The following HS3ST4 variants were observed in gnomAD, a reference collection of about 807,000 sequenced individuals.
HS3ST4 encodes heparan sulfate glucosamine 3-O-sulfotransferase 4.
A neutral mutation model predicts 29.2 loss-of-function variants in HS3ST4; 17 were observed. The observed-to-expected ratio is 0.58, with a 90% CI of 0.40 to 0.87. HS3ST4 has a LOEUF of 0.87. Among genes scored for constraint, HS3ST4 ranks in the 40% least tolerant of loss-of-function variants. The pLI is 0.00. For missense variants in HS3ST4, 627 were observed against 634.5 expected, an observed-to-expected ratio of 0.99 and a Z score of 0.13; for synonymous variants, 314 against 285.7, an observed-to-expected ratio of 1.10 and a Z score of -1.00.
chr16:25,839,859 C>A (rs1246432044), intron 1 of HS3ST4, among the ~76,000 whole-genome samples: 1 of 152,172 alleles, frequency 6.6e-6, no homozygotes, highest in African/African-American at 2.4e-5. Flanking sequence ...CTTTATGTGG[C>A]ATTGAACTTG....
chr16:25,723,377 G>C (rs1473284567), intron 1 of HS3ST4, among the ~76,000 whole-genome samples: 1 of 152,158 alleles, frequency 6.6e-6, no homozygotes, highest in Non-Finnish European at 1.5e-5. Context: ...TAGCATGTAT[G>C]ATTCTTTCCT....
At chr16:25,813,192 G>T (rs1398592880) in intron 1 of HS3ST4, among the ~76,000 whole-genome samples, 2 of 152,174 alleles carry the variant, frequency 1.3e-5, no homozygotes, top group African/African-American at 2.4e-5. Context: ...ATGAAAAGAT[G>T]TTCAATATCA....
At chr16:25,877,590 C>A (rs921136010) in intron 1 of HS3ST4, among the ~76,000 whole-genome samples, 2 of 152,120 alleles carry the variant, frequency 1.3e-5, no homozygotes, top group Non-Finnish European at 1.5e-5. Context: ...ATGCTGGCAG[C>A]CACCAGAAGC....
intron 1 of HS3ST4, among the ~76,000 whole-genome samples, chr16:25,913,428 A>G (rs1016622000): frequency 3.3e-5 from 5 of 152,238 alleles, no homozygotes; most frequent in African/African-American, 9.6e-5. Context: ...GAAAGCAGAG[A>G]GCAGGGAGTC....
chr16:25,971,808 G>C lies in HS3ST4; in HGVS notation c.735-163804G>C, dbSNP rs962148822. Among the ~76,000 whole-genome samples, 8 of 152,126 alleles carry C rather than the reference G, an allele frequency of 5.3e-5. No homozygotes were observed. The East Asian group carries it at 1.5e-3, about 29-fold the overall frequency. On this transcript the variant is annotated intron_variant, in intron 1 of 1. Coordinates refer to ENST00000331351, the MANE Select transcript of HS3ST4 (RefSeq NM_006040.3). ...AGTATAGTGGCAGGCCAGTGGGCCTGTAATCCCAGCTACTTGGGAGGCTGA... is the reference window on the plus strand; with the variant it reads ...AGTATAGTGGCAGGCCAGTGGGCCTCTAATCCCAGCTACTTGGGAGGCTGA...
chr16:25,953,114 G>A (rs1157812323), intron 1 of HS3ST4, among the ~76,000 whole-genome samples: 1 of 152,180 alleles, frequency 6.6e-6, no homozygotes, highest in Non-Finnish European at 1.5e-5. Context: ...ATTGCATCCT[G>A]GCACAGTTTG....
At chr16:25,887,946 C>T (rs1165881811) in intron 1 of HS3ST4, among the ~76,000 whole-genome samples, 3 of 152,056 alleles carry the variant, frequency 2.0e-5, no homozygotes, top group Admixed American at 1.3e-4. Context: ...ATCTGCCTGC[C>T]TCGGCCTCCC....
At chr16:26,037,743 C>T (rs973822128) in intron 1 of HS3ST4, among the ~76,000 whole-genome samples, 1 of 152,100 alleles carries the variant, frequency 6.6e-6, no homozygotes. Flanking sequence ...TTACCCTGGC[C>T]CCTGCAAATG....
At chr16:25,958,912 C>T (rs930907058) in intron 1 of HS3ST4, among the ~76,000 whole-genome samples, 1 of 152,132 alleles carries the variant, frequency 6.6e-6, no homozygotes, top group Admixed American at 6.5e-5. Flanking sequence ...AATGTGTGAT[C>T]ACTGACATCC....
chr16:26,061,492 A>G (rs1428923870), intron 1 of HS3ST4, among the ~76,000 whole-genome samples: 3 of 152,198 alleles, frequency 2.0e-5, no homozygotes, highest in African/African-American at 7.2e-5. Flanking sequence ...ACCAGGAACA[A>G]TTATGATCAG....
At chr16:25,981,407 C>T (rs535029666) in intron 1 of HS3ST4, among the ~76,000 whole-genome samples, 12 of 151,668 alleles carry the variant, frequency 7.9e-5, no homozygotes, top group South Asian at 2.1e-4. Context: ...ATGAAAGGTG[C>T]GAGTTATTTG....
intron 1 of HS3ST4, among the ~76,000 whole-genome samples, chr16:26,017,085 C>T (rs1969369114): frequency 6.6e-6 from 1 of 152,200 alleles, no homozygotes; most frequent in Admixed American, 6.5e-5. Flanking sequence ...GTGGCACGAA[C>T]AATAAACAAA....
At chr16:25,927,058 G>A (rs976289306) in intron 1 of HS3ST4, among the ~76,000 whole-genome samples, 40 of 144,740 alleles carry the variant, frequency 2.8e-4, no homozygotes, top group African/African-American at 1.0e-3. Context: ...GCGAAACTCC[G>A]TCTAAAAGAA....
intron 1 of HS3ST4, among the ~76,000 whole-genome samples, chr16:26,117,253 G>A (rs1899212972): frequency 6.6e-6 from 1 of 152,194 alleles, no homozygotes; most frequent in African/African-American, 2.4e-5. Context: ...TAGAGATACA[G>A]GCAGCAAGCC....
At chr16:25,713,981 A>G (rs1423985858) in intron 1 of HS3ST4, among the ~76,000 whole-genome samples, 1 of 151,680 alleles carries the variant, frequency 6.6e-6, no homozygotes, top group African/African-American at 2.4e-5. Flanking sequence ...ATCTGTAGTC[A>G]TATTCTTTCT....
intron 1 of HS3ST4, among the ~76,000 whole-genome samples, chr16:25,838,902 C>T (rs932270860): frequency 1.1e-4 from 16 of 152,132 alleles, no homozygotes; most frequent in Non-Finnish European, 2.4e-4. Flanking sequence ...GCCTTCCCTG[C>T]CACTAGGTGT....
At chr16:25,989,469 C>G (rs1198488205) in intron 1 of HS3ST4, among the ~76,000 whole-genome samples, 1 of 152,218 alleles carries the variant, frequency 6.6e-6, no homozygotes, top group Admixed American at 6.5e-5. Context: ...CGATGGATTT[C>G]CATGGCATGG....
At chr16:25,879,550 GC>G (rs1195050486) in intron 1 of HS3ST4, among the ~76,000 whole-genome samples, 1 of 152,038 alleles carries the variant, frequency 6.6e-6, no homozygotes, top group Non-Finnish European at 1.5e-5. Flanking sequence ...CAGGAGAACA[GC>G]ATGGGAAAGA....
chr16:26,134,349 TTTCTTTTCTTTTC>T (rs1898250503), intron 1 of HS3ST4, among the ~76,000 whole-genome samples: 1 of 114,696 alleles, frequency 8.7e-6, no homozygotes, highest in African/African-American at 3.5e-5. Flanking sequence ...TTTCTTTTCT[TTTCTTTTCTTTTC>T]TTTTTTTTTT....
Sources: allele counts gnomAD v4.1 joint callset (sites outside exome capture counted in the v4.1 genomes callset), GRCh38; gene constraint gnomAD v4.1.1; transcripts MANE v1.5; gene names NCBI Gene and HGNC (gene_info 2026-07-23, HGNC 2026-07-21).